Variants in MROH7 observed in about 807,000 individuals in gnomAD.
MROH7 encodes the protein maestro heat-like repeat-containing protein family member 7.
MROH7 carries 113 observed loss-of-function variants against 129.2 expected under a neutral mutation model. That is an observed-to-expected ratio of 0.87 (90% confidence interval 0.75 to 1.02). The LOEUF (loss-of-function observed/expected upper bound fraction) is 1.02. Among genes scored for constraint, MROH7 ranks in the 50% least tolerant of loss-of-function variants. The pLI, the probability that MROH7 is intolerant of heterozygous loss-of-function variation, is 0.00. For synonymous variants in MROH7, 655 were observed against 667.9 expected, an observed-to-expected ratio of 0.98 and a Z score of 0.30; for missense variants, 1,601 against 1,671.3, an observed-to-expected ratio of 0.96 and a Z score of 0.73.
intron 21 of MROH7, among the ~76,000 whole-genome samples, chr1:54,705,616 A>G (rs1246153256): frequency 6.6e-6 from 1 of 152,168 alleles, no homozygotes; most frequent in Non-Finnish European, 1.5e-5. Context: ...AAGAGTGGGA[A>G]GGGCACTCCA....
At chr1:54,695,655 C>A in intron 17 of MROH7, 165 bp downstream of exon 17, 1 of 680,452 alleles carries the variant, frequency 1.5e-6, no homozygotes. Context: ...TCCCTCCCCT[C>A]CCTGTCTCTC....
At chr1:54,685,209 G>A (rs1412093367) in intron 14 of MROH7, among the ~76,000 whole-genome samples, 2 of 152,108 alleles carry the variant, frequency 1.3e-5, no homozygotes, top group East Asian at 1.9e-4. Context: ...TAGAGACGGG[G>A]TTTCCCCATG....
intron 17 of MROH7, 167 bp from the exon 18 acceptor site, chr1:54,700,154 T>A: frequency 1.2e-6 from 1 of 856,544 alleles, no homozygotes; most frequent in Admixed American, 2.0e-5. Context: ...TGCCACATGG[T>A]GCTGATGGAC....
At position 54,682,892 on chromosome 1, in the gene MROH7, A is replaced by G. The variant is rs536280197; in HGVS notation, c.2520+98A>G. Reference sequence around the variant, plus strand: ...AAGCACACCCGGCCTCGAGTACCGCACTCTGCCAGTAACTAGTTGTGTGGT... The same window carrying G: ...AAGCACACCCGGCCTCGAGTACCGCGCTCTGCCAGTAACTAGTTGTGTGGT... On this transcript the variant is annotated intron_variant, in intron 14 of 23. Transcript: ENST00000421030. The G allele has an allele frequency of 8.9e-6, 12 of 1,350,216 alleles. No homozygotes were observed. The African/African-American group carries it at 1.3e-4, about 15-fold the overall frequency. The allele number at this position is 1,350,216 out of a possible 1,614,324, so 83.6% of individuals were successfully genotyped here.
rs1645600830 is a variant in MROH7, at chr1:54,710,082, C to T, written c.3867C>T (p.Thr1289=). The change falls in exon 24 of 24, where the codon ACC becomes ACT. Residue 1289 remains threonine (T), a synonymous_variant. Transcript: ENST00000421030. ...HGNSWVCYSA[T]THRWSPSCEN... is the part of the protein sequence containing the mutation. ...ACTCATGGGTGTGTTACTCAGCCAC[C>T]ACCCACCGCTGGAGCCCCAGCTGTG... 1.2e-6 allele frequency: 2 copies of T among 1,613,978 alleles called. No individual in the cohort carries two copies. Among genetic ancestry groups the T allele is most frequent in the East Asian group, 2.2e-5 (1 of 44,888 alleles).
intron 8 of MROH7, 142 bp from the exon 9 acceptor site, chr1:54,673,559 C>T: frequency 1.5e-6 from 1 of 671,154 alleles, no homozygotes; most frequent in South Asian, 1.8e-5. Flanking sequence ...TCTGCCTATA[C>T]CCCAAGAAGA....
chr1:54,655,192 G>A (rs1288161582), intron 3 of MROH7, among the ~76,000 whole-genome samples: 2 of 151,206 alleles, frequency 1.3e-5, no homozygotes, highest in African/African-American at 4.9e-5. Flanking sequence ...TTTTTGTATT[G>A]TTAGTAGAGA....
At chr1:54,708,946 C>T in intron 22 of MROH7, 68 bp from the exon 23 acceptor site, 1 of 1,195,992 alleles carries the variant, frequency 8.4e-7, no homozygotes, top group Non-Finnish European at 1.2e-6. Flanking sequence ...GAACTCTGGT[C>T]TAAGGGTGGG....
chr1:54,671,451 A>G (rs1284702748), intron 7 of MROH7, among the ~76,000 whole-genome samples: 6 of 152,206 alleles, frequency 3.9e-5, no homozygotes, highest in Non-Finnish European at 8.8e-5. Flanking sequence ...GCCCTGCCCT[A>G]TGGGAGGGAT....
intron 7 of MROH7, 79 bp downstream of exon 7, chr1:54,671,008 C>G: frequency 6.8e-7 from 1 of 1,466,294 alleles, no homozygotes; most frequent in Non-Finnish European, 9.1e-7. Flanking sequence ...TCCTCCGGCT[C>G]ATTGGTCTGT....
chr1:54,672,557 C>T (rs549844787), intron 7 of MROH7, among the ~76,000 whole-genome samples: 6 of 152,006 alleles, frequency 3.9e-5, no homozygotes, highest in Admixed American at 1.3e-4. Context: ...ACTTGGAAAA[C>T]GTATTTGGGC....
rs778274332 is a variant in MROH7 at position 54,702,174 on chromosome 1, G to A, written c.3370G>A (p.Glu1124Lys). 3 of 1,607,592 alleles carry A rather than the reference G, an allele frequency of 1.9e-6. No homozygotes were observed. Among genetic ancestry groups the A allele is most frequent in the Non-Finnish European group, 1.7e-6 (2 of 1,177,452 alleles). The change falls in exon 20 of 24, where the codon GAG becomes AAG. Residue 1124 changes from glutamate (E) to lysine (K), a missense_variant. Glu to Lys is a moderately conservative substitution (Grantham distance 56). Transcript: ENST00000421030. ...KLRAPRTQAM[E>K]EQLVSTLVPL... ...TCGGGCACCACGCACTCAGGCCATG[G>A]AGGAGCAGCTGGTCAGCACCTTGGT...
intron 15 of MROH7, among the ~76,000 whole-genome samples, chr1:54,688,386 A>G (rs1180734354): frequency 2.6e-5 from 4 of 151,986 alleles, no homozygotes. Context: ...AATGTTTTTT[A>G]TGTAGCCAAG....
At chr1:54,679,239 A>G (rs757003183) in intron 11 of MROH7, 24 bp from the exon 12 acceptor site, 9 of 1,613,862 alleles carry the variant, frequency 5.6e-6, no homozygotes, top group Non-Finnish European at 6.8e-6. Flanking sequence ...TCAGTGTGTC[A>G]TGATCTCAGC....
At chr1:54,681,440 A>G (rs1361009135) in intron 13 of MROH7, among the ~76,000 whole-genome samples, 1 of 152,226 alleles carries the variant, frequency 6.6e-6, no homozygotes, top group Non-Finnish European at 1.5e-5. Flanking sequence ...GCTCAATGCT[A>G]TAGTGTCCCC....
At chr1:54,704,429 ATTTTT>A (rs34380712) in intron 21 of MROH7, among the ~76,000 whole-genome samples, 75 of 112,272 alleles carry the variant, frequency 6.7e-4, no homozygotes, top group African/African-American at 2.1e-3. Context: ...CTAGAAACCT[ATTTTT>A]TTTTTTTTTT....
At chr1:54,683,428 AT>A (rs1360052028) in intron 14 of MROH7, among the ~76,000 whole-genome samples, 1 of 152,124 alleles carries the variant, frequency 6.6e-6, no homozygotes, top group Non-Finnish European at 1.5e-5. Context: ...GAAGAGACGG[AT>A]TTGTCTCTGT....
At chr1:54,681,243 CTG>C (rs1214748724) in intron 13 of MROH7, among the ~76,000 whole-genome samples, 1 of 152,214 alleles carries the variant, frequency 6.6e-6, no homozygotes, top group Non-Finnish European at 1.5e-5. Flanking sequence ...AGTCTAGGAG[CTG>C]GTCTCTTGGG....
intron 15 of MROH7, among the ~76,000 whole-genome samples, chr1:54,687,661 AC>A (rs1645170045): frequency 6.6e-6 from 1 of 152,062 alleles, no homozygotes; most frequent in South Asian, 2.1e-4. Context: ...AAATGGAGTG[AC>A]TCCTAAAACA....
Sources: gnomAD v4.1 joint callset for allele counts (sites outside exome capture counted in the v4.1 genomes callset) on GRCh38, gnomAD v4.1.1 for gene constraint, MANE v1.5 for transcripts, NCBI Gene and HGNC (gene_info 2026-07-23, HGNC 2026-07-21) for gene names.